The following PLCZ1 variants were observed in gnomAD, a reference collection of about 807,000 sequenced individuals.
PLCZ1 encodes the protein phospholipase C zeta 1, also known as 1-phosphatidylinositol 4,5-bisphosphate phosphodiesterase zeta-1.
Under a neutral mutation model 76.8 loss-of-function variants are expected in PLCZ1, and 64 were observed. The ratio of observed to expected loss-of-function variants is 0.83; its 90% CI spans 0.68 to 1.03. PLCZ1 has a LOEUF of 1.03. Among genes scored for constraint, PLCZ1 ranks in the 50% least tolerant of loss-of-function variants. The probability of loss-of-function intolerance (pLI) is 0.00; values close to 1 mark genes in which losing one functional copy is unlikely to be tolerated. For synonymous variants in PLCZ1, 248 were observed against 230.8 expected (o/e 1.07, Z -0.68); for missense variants, 751 against 713.7 (o/e 1.05, Z -0.60).
At chr12:18,665,871 G>A in the PLCZ1 span, among the ~76,000 whole-genome samples, 1 of 150,482 alleles carries the variant, frequency 6.6e-6, no homozygotes, top group African/African-American at 2.4e-5. Context: ...GTAGGCAGAG[G>A]TTGCAGTGAG....
intron 7 of PLCZ1, among the ~76,000 whole-genome samples, chr12:18,702,069 A>G (rs1426094451): frequency 6.6e-6 from 1 of 152,142 alleles, no homozygotes; most frequent in Non-Finnish European, 1.5e-5. Flanking sequence ...AAATATGTGA[A>G]AAGTATATAT....
the PLCZ1 span, among the ~76,000 whole-genome samples, chr12:18,672,459 GA>G: frequency 6.6e-5 from 10 of 151,574 alleles, no homozygotes; most frequent in South Asian, 4.2e-4. Context: ...CAAATGACTT[GA>G]AAAAAAACTG....
At chr12:18,687,463 C>T (rs573296759) in intron 13 of PLCZ1, among the ~76,000 whole-genome samples, 3 of 152,102 alleles carry the variant, frequency 2.0e-5, no homozygotes, top group Non-Finnish European at 4.4e-5. Context: ...CTATCCTTTT[C>T]TAATTTCCTT....
At chr12:18,721,785 G>T (rs530240568) in intron 4 of PLCZ1, among the ~76,000 whole-genome samples, 1 of 151,114 alleles carries the variant, frequency 6.6e-6, no homozygotes, top group South Asian at 2.1e-4. Flanking sequence ...GTATTCTTGT[G>T]CAAGCTCTTT....
chr12:18,694,181 G>T, intron 12 of PLCZ1: 1 of 662,082 alleles, frequency 1.5e-6, no homozygotes, highest in Non-Finnish European at 2.6e-6. Context: ...TTGCCCAGAG[G>T]AATCTCTGTT....
intron 13 of PLCZ1, 120 bp downstream of exon 13, chr12:18,687,969 T>A: frequency 1.5e-6 from 2 of 1,352,008 alleles, no homozygotes; most frequent in Non-Finnish European, 2.0e-6. Flanking sequence ...ATTTTGGACA[T>A]AATGGAAAAC....
chr12:18,675,004 G>T, the PLCZ1 span, among the ~76,000 whole-genome samples: 1 of 152,104 alleles, frequency 6.6e-6, no homozygotes, highest in African/African-American at 2.4e-5. Flanking sequence ...CAACTCTCTA[G>T]ATCAGCACTT....
the PLCZ1 span, among the ~76,000 whole-genome samples, chr12:18,665,439 T>C: frequency 6.6e-6 from 1 of 152,210 alleles, no homozygotes; most frequent in African/African-American, 2.4e-5. Flanking sequence ...TCATTGGTAA[T>C]GTATTTTAGG....
the PLCZ1 span, among the ~76,000 whole-genome samples, chr12:18,673,047 G>T: frequency 6.6e-6 from 1 of 152,106 alleles, no homozygotes; most frequent in Non-Finnish European, 1.5e-5. Flanking sequence ...TGCCAAAGTG[G>T]TACATAGAAG....
intron 6 of PLCZ1, among the ~76,000 whole-genome samples, chr12:18,712,347 G>A (rs536274184): frequency 3.5e-4 from 53 of 152,152 alleles, no homozygotes; most frequent in Non-Finnish European, 5.1e-4. Flanking sequence ...TAACTATATC[G>A]TTGAATCTGT....
chr12:18,722,963 A>G (rs2137543717), intron 4 of PLCZ1, among the ~76,000 whole-genome samples: 1 of 152,126 alleles, frequency 6.6e-6, no homozygotes, highest in East Asian at 1.9e-4. Flanking sequence ...CTGGGGTTTT[A>G]TCTTATTCAT....
intron 13 of PLCZ1, among the ~76,000 whole-genome samples, chr12:18,684,523 T>C (rs758118442): frequency 1.3e-5 from 2 of 151,968 alleles, no homozygotes; most frequent in African/African-American, 2.4e-5. Flanking sequence ...AACCACCCCA[T>C]CAGGGTGGGA....
At chr12:18,667,285 G>A in the PLCZ1 span, among the ~76,000 whole-genome samples, 2 of 152,110 alleles carry the variant, frequency 1.3e-5, no homozygotes, top group Non-Finnish European at 1.5e-5. Flanking sequence ...AGAGATATGT[G>A]TAATATCTTA....
At chr12:18,712,796 T>C in intron 6 of PLCZ1, 46 bp downstream of exon 6, 1 of 1,595,734 alleles carries the variant, frequency 6.3e-7, no homozygotes, top group South Asian at 1.1e-5. Flanking sequence ...TAAATTAGAA[T>C]TGCTTCTGTT....
At chr12:18,670,015 C>T in the PLCZ1 span, among the ~76,000 whole-genome samples, 1 of 151,910 alleles carries the variant, frequency 6.6e-6, no homozygotes, top group Non-Finnish European at 1.5e-5. Context: ...GTGGCTCAGC[C>T]CTTATGTCTT....
At chr12:18,727,962 GT>G (rs577896927) in intron 3 of PLCZ1, among the ~76,000 whole-genome samples, 186 of 152,234 alleles carry the variant, frequency 1.2e-3, no homozygotes, top group African/African-American at 4.3e-3. Flanking sequence ...AAAAGATAGG[GT>G]CAGAAGAAGA....
the PLCZ1 span, chr12:18,648,023 A>C: frequency 1.4e-5 from 22 of 1,585,850 alleles, no homozygotes; most frequent in Non-Finnish European, 1.1e-5. Flanking sequence ...AAACAGTATA[A>C]TTTGACCATT....
chr12:18,700,695 G>C (rs982487631), intron 9 of PLCZ1, among the ~76,000 whole-genome samples: 1 of 152,106 alleles, frequency 6.6e-6, no homozygotes, highest in African/African-American at 2.4e-5. Flanking sequence ...ACTATATCAA[G>C]TCATTTTTTA....
intron 14 of PLCZ1, among the ~76,000 whole-genome samples, 197 bp downstream of exon 14, chr12:18,683,933 A>C (rs1282122032): frequency 6.6e-6 from 1 of 152,006 alleles, no homozygotes; most frequent in Non-Finnish European, 1.5e-5. Context: ...CCTTCCTGTC[A>C]GTCCCACACC....
Sources: allele counts gnomAD v4.1 joint callset (sites outside exome capture counted in the v4.1 genomes callset), GRCh38; gene constraint gnomAD v4.1.1; transcripts MANE v1.5; gene names NCBI Gene and HGNC (gene_info 2026-07-23, HGNC 2026-07-21).